LSM7: variants seen among roughly 807,000 people sequenced by gnomAD.
LSM7 encodes U6 snRNA-associated Sm-like protein LSm7.
LSM7 carries 13 observed loss-of-function variants against 14.1 expected under a neutral mutation model. That is an observed-to-expected ratio of 0.92 (90% CI 0.60 to 1.47). The LOEUF (loss-of-function observed/expected upper bound fraction) is 1.47. Among genes scored for constraint, LSM7 ranks in the 40% most tolerant of loss-of-function variants. The probability of loss-of-function intolerance (pLI) is 0.00; values close to 1 mark genes in which losing one functional copy is unlikely to be tolerated. For synonymous variants in LSM7, 70 were observed against 57.1 expected (o/e 1.23, Z -1.02); for missense variants, 108 against 140.8 (o/e 0.77, Z 1.18).
chr19:2,326,415 C>T (rs1002056324), intron 2 of LSM7, among the ~76,000 whole-genome samples: 1 of 151,702 alleles, frequency 6.6e-6, no homozygotes, highest in Non-Finnish European at 1.5e-5. Context: ...GATCTCAGCT[C>T]ACTGCAACCT....
At chr19:2,327,778 T>C (rs931835789) in intron 2 of LSM7, among the ~76,000 whole-genome samples, 2 of 152,038 alleles carry the variant, frequency 1.3e-5, no homozygotes, top group Non-Finnish European at 2.9e-5. Context: ...TGGGTCCCCG[T>C]CTTACAAAAA....
intron 2 of LSM7, among the ~76,000 whole-genome samples, chr19:2,327,050 G>A (rs1194406318): frequency 6.6e-6 from 1 of 152,198 alleles, no homozygotes; most frequent in Non-Finnish European, 1.5e-5. Context: ...ACAACCTCCT[G>A]AGAGCCCTTG....
At chr19:2,328,540 C>T in intron 1 of LSM7, 21 bp downstream of exon 1, 2 of 1,602,354 alleles carry the variant, frequency 1.2e-6, no homozygotes, top group South Asian at 2.2e-5. Flanking sequence ...CCCCCGGCTC[C>T]AGATTCCGCC....
At chr19:2,326,726 C>G (rs1968027966) in intron 2 of LSM7, among the ~76,000 whole-genome samples, 1 of 152,268 alleles carries the variant, frequency 6.6e-6, no homozygotes, top group African/African-American at 2.4e-5. Flanking sequence ...CTGCCTTAGC[C>G]TCCCAGACTG....
intron 2 of LSM7, chr19:2,324,487 A>G (rs778120841): frequency 2.4e-5 from 12 of 490,632 alleles, no homozygotes; most frequent in Non-Finnish European, 3.8e-5. Context: ...CAGCTTCGGT[A>G]ATGAGTCCAT....
intron 2 of LSM7, among the ~76,000 whole-genome samples, chr19:2,326,655 G>C (rs1452244067): frequency 6.6e-6 from 1 of 152,218 alleles, no homozygotes; most frequent in Non-Finnish European, 1.5e-5. Flanking sequence ...ACTTTTAGTA[G>C]AGATGGGGTT....
chr19:2,328,212 G>A, intron 2 of LSM7, 175 bp downstream of exon 2: 1 of 588,888 alleles, frequency 1.7e-6, no homozygotes, highest in Non-Finnish European at 2.9e-6. Context: ...GGAGGTTGCA[G>A]TGAGCTGAGA....
intron 3 of LSM7, among the ~76,000 whole-genome samples, 193 bp downstream of exon 3, chr19:2,323,932 G>A (rs530444992): frequency 1.1e-4 from 16 of 152,278 alleles, no homozygotes; most frequent in South Asian, 1.0e-3. Flanking sequence ...ACCAGTGAGC[G>A]CTCAAGCCCG....
intron 2 of LSM7, 93 bp from the exon 3 acceptor site, chr19:2,324,289 C>T (rs1230399864): frequency 1.0e-6 from 1 of 986,676 alleles, no homozygotes; most frequent in Non-Finnish European, 1.6e-6. Flanking sequence ...ATGGGGCTAA[C>T]TGCTCCAGGG....
In LSM7 at chr19:2,324,110, C is replaced by G; in HGVS notation, c.169+15G>C. The G allele has an allele frequency of 6.5e-7, 1 of 1,544,842 alleles. No homozygotes were observed. ...CCCTCGTCCCGCTGCCTGCCTCGGC[C>G]GCCACCCCACTCACCTCGCATGTAC... is the stretch of plus-strand genomic sequence containing the variant. On this transcript the variant is annotated intron_variant, in intron 3 of 3. Coordinates refer to ENST00000252622, the MANE Select transcript of LSM7 (RefSeq NM_016199.3).
intron 2 of LSM7, among the ~76,000 whole-genome samples, chr19:2,327,366 C>A (rs528770242): frequency 2.0e-5 from 3 of 152,278 alleles, no homozygotes; most frequent in South Asian, 2.1e-4. Flanking sequence ...CCTCAGCCCC[C>A]CGAGTAGCTG....
At chr19:2,327,907 C>T (rs917603666) in intron 2 of LSM7, 3 of 158,740 alleles carry the variant, frequency 1.9e-5, no homozygotes, top group Non-Finnish European at 4.2e-5. Flanking sequence ...CTCACCACCC[C>T]CTGTGAAGTG....
chr19:2,328,532 C>G (rs1299632993), intron 1 of LSM7, 29 bp downstream of exon 1: 1 of 1,606,862 alleles, frequency 6.2e-7, no homozygotes, highest in East Asian at 2.2e-5. Flanking sequence ...CTCCACGCCC[C>G]CCGGCTCCAG....
At chr19:2,325,165 A>G (rs1004125889) in intron 2 of LSM7, among the ~76,000 whole-genome samples, 2 of 152,014 alleles carry the variant, frequency 1.3e-5, no homozygotes, top group Non-Finnish European at 2.9e-5. Context: ...TTGGGCCACA[A>G]CTTGCCAACT....
rs1299632993 is a variant in LSM7, at chr19:2,328,532, C to A, written c.6+29G>T. On this transcript the variant is annotated intron_variant, in intron 1 of 3. Transcript: ENST00000252622. ...GGAGCGCGGCCCGAGCTCCACGCCC[C>A]CCGGCTCCAGATTCCGCCGCGCGCT... 2.5e-6 allele frequency: 4 copies of A among 1,606,862 alleles called. 1 individual carries two copies. The Admixed American group carries it at 6.8e-5, about 27-fold the overall frequency.
intron 2 of LSM7, among the ~76,000 whole-genome samples, chr19:2,327,391 C>CGCCA (rs1357750352): frequency 6.6e-6 from 1 of 151,942 alleles, no homozygotes; most frequent in Non-Finnish European, 1.5e-5. Flanking sequence ...TACAAGCGTG[C>CGCCA]GCCACCATGC....
chr19:2,326,166 G>A (rs1260765828), intron 2 of LSM7: 1 of 152,258 alleles, frequency 6.6e-6, no homozygotes, highest in Admixed American at 6.5e-5. Flanking sequence ...TCACTCCTGC[G>A]CTTAGGTTAT....
At chr19:2,326,057 G>C (rs1968009995) in intron 2 of LSM7, 1 of 152,312 alleles carries the variant, frequency 6.6e-6, no homozygotes. Flanking sequence ...CTCACGGGGA[G>C]AGATGTGAGC....
chr19:2,328,097 A>G (rs374228529), intron 2 of LSM7: 198 of 324,262 alleles, frequency 6.1e-4, no homozygotes, highest in African/African-American at 4.0e-3. Flanking sequence ...CCTGGCCAAC[A>G]TGGCCTCTCT....
Sources: gnomAD v4.1 joint callset for allele counts (sites outside exome capture counted in the v4.1 genomes callset) on GRCh38, gnomAD v4.1.1 for gene constraint, MANE v1.5 for transcripts, NCBI Gene and HGNC (gene_info 2026-07-23, HGNC 2026-07-21) for gene names.